Variants in GRIK2 observed in about 807,000 individuals in gnomAD.
GRIK2 encodes glutamate ionotropic receptor kainate type subunit 2.
Under a neutral mutation model 100.3 loss-of-function variants are expected in GRIK2, and 32 were observed. The observed-to-expected ratio is 0.32, with a 90% confidence interval of 0.24 to 0.43. GRIK2 has a LOEUF of 0.43. Among genes scored for constraint, GRIK2 ranks in the 20% least tolerant of loss-of-function variants. GRIK2 has a pLI of 1.00. For synonymous variants in GRIK2, 417 were observed against 389.4 expected (o/e 1.07, Z -0.83); for missense variants, 843 against 1,114.9 (o/e 0.76, Z 3.47).
intron 2 of GRIK2, chr6:101,431,040 G>A: frequency 4.0e-6 from 1 of 252,340 alleles, no homozygotes; most frequent in Non-Finnish European, 8.5e-6. Context: ...TACAGGGACA[G>A]CATGGCCCTG....
intron 16 of GRIK2, among the ~76,000 whole-genome samples, chr6:102,060,878 T>C (rs1046217224): frequency 1.3e-5 from 2 of 150,610 alleles, no homozygotes; most frequent in African/African-American, 4.8e-5. Context: ...ACTAAAGTTG[T>C]GTTGATTCTT....
intron 2 of GRIK2, among the ~76,000 whole-genome samples, chr6:101,604,068 G>A (rs965519534): frequency 1.4e-4 from 21 of 151,456 alleles, no homozygotes; most frequent in Non-Finnish European, 3.0e-4. Context: ...TAACTTTTCT[G>A]AAAATATATA....
At chr6:101,770,057 T>C in intron 7 of GRIK2, among the ~76,000 whole-genome samples, 1 of 152,226 alleles carries the variant, frequency 6.6e-6, no homozygotes, top group East Asian at 1.9e-4. Flanking sequence ...ACAAGAATGG[T>C]AACCTTCTCT....
chr6:101,964,107 T>C (rs1792504816), intron 14 of GRIK2, among the ~76,000 whole-genome samples: 5 of 151,454 alleles, frequency 3.3e-5, no homozygotes. Context: ...GAACAATTTC[T>C]GGAGACTTTA....
At chr6:101,608,805 GTGTGTGTGTATGTATGTA>G (rs138074502) in intron 2 of GRIK2, among the ~76,000 whole-genome samples, 1 of 116,094 alleles carries the variant, frequency 8.6e-6, no homozygotes, top group African/African-American at 3.6e-5. Flanking sequence ...GTGTGTGTGT[GTGTGTGTGTATGTATGTA>G]TGTGTGTGTG....
intron 14 of GRIK2, among the ~76,000 whole-genome samples, chr6:102,006,604 G>A (rs1023443339): frequency 1.3e-5 from 2 of 151,752 alleles, no homozygotes; most frequent in African/African-American, 4.8e-5. Flanking sequence ...CTGGGCTCAA[G>A]TGATTCTCCT....
At chr6:101,982,255 A>G (rs1473717152) in intron 14 of GRIK2, among the ~76,000 whole-genome samples, 1 of 151,924 alleles carries the variant, frequency 6.6e-6, no homozygotes, top group Non-Finnish European at 1.5e-5. Flanking sequence ...CAAATACTGT[A>G]ATTTTCATGT....
At chr6:101,903,730 T>C (rs1788030869) in intron 12 of GRIK2, among the ~76,000 whole-genome samples, 1 of 151,526 alleles carries the variant, frequency 6.6e-6, no homozygotes, top group South Asian at 2.1e-4. Flanking sequence ...ATGTGGGATA[T>C]TCAAATACAT....
chr6:101,828,493 C>T (rs923094077), intron 10 of GRIK2, among the ~76,000 whole-genome samples: 5 of 151,538 alleles, frequency 3.3e-5, no homozygotes, highest in East Asian at 1.9e-4. Context: ...GATGGGTCTT[C>T]GAAAGGATAA....
At chr6:101,611,484 A>G (rs1394440598) in intron 2 of GRIK2, among the ~76,000 whole-genome samples, 1 of 151,868 alleles carries the variant, frequency 6.6e-6, no homozygotes, top group Non-Finnish European at 1.5e-5. Flanking sequence ...CATTGGTTAC[A>G]TATTTGTATA....
chr6:102,037,772 C>G (rs1324813958), intron 15 of GRIK2, among the ~76,000 whole-genome samples: 2 of 151,282 alleles, frequency 1.3e-5, no homozygotes, highest in Non-Finnish European at 3.0e-5. Flanking sequence ...GATGGGAGTG[C>G]TCAAATCTTG....
chr6:101,654,380 G>A (rs551791757), intron 4 of GRIK2, among the ~76,000 whole-genome samples: 2 of 152,252 alleles, frequency 1.3e-5, no homozygotes, highest in East Asian at 3.9e-4. Context: ...TTTGACTGGA[G>A]TCCTATCCTT....
chr6:101,590,176 C>A (rs537277623), intron 2 of GRIK2, among the ~76,000 whole-genome samples: 7 of 152,150 alleles, frequency 4.6e-5, no homozygotes, highest in African/African-American at 1.4e-4. Flanking sequence ...AAAGTTAATT[C>A]TGTGATGGAC....
intron 2 of GRIK2, among the ~76,000 whole-genome samples, chr6:101,478,458 GTTACA>G (rs940044498): frequency 2.7e-5 from 4 of 146,538 alleles, no homozygotes; most frequent in African/African-American, 1.0e-4. Context: ...CTTTTTATAA[GTTACA>G]TTATATACAA....
chr6:101,827,660 A>C (rs369471903), intron 10 of GRIK2, among the ~76,000 whole-genome samples: 1 of 151,974 alleles, frequency 6.6e-6, no homozygotes, highest in East Asian at 1.9e-4. Flanking sequence ...AATAGACTTC[A>C]AAGCAACAAT....
intron 2 of GRIK2, among the ~76,000 whole-genome samples, chr6:101,427,531 C>A (rs559947484): frequency 1.3e-5 from 2 of 152,130 alleles, no homozygotes; most frequent in African/African-American, 4.8e-5. Flanking sequence ...TAAAGTGCAG[C>A]CAGTCAATAT....
chr6:101,603,631 T>C (rs1779320005), intron 2 of GRIK2, among the ~76,000 whole-genome samples: 1 of 151,818 alleles, frequency 6.6e-6, no homozygotes, highest in African/African-American at 2.4e-5. Context: ...TGAAAATAAC[T>C]CATGAATGAA....
intron 15 of GRIK2, 84 bp downstream of exon 15, chr6:102,035,650 C>T (rs948926301): frequency 1.4e-6 from 1 of 727,790 alleles, no homozygotes; most frequent in Non-Finnish European, 2.4e-6. Context: ...TCCACGTATG[C>T]CATTAGGAAT....
At chr6:101,435,832 AT>A (rs1375210517) in intron 2 of GRIK2, among the ~76,000 whole-genome samples, 1 of 151,744 alleles carries the variant, frequency 6.6e-6, no homozygotes, top group East Asian at 1.9e-4. Flanking sequence ...AAGTTTAATC[AT>A]TTTTTCAGGA....
Sources: allele counts gnomAD v4.1 joint callset (sites outside exome capture counted in the v4.1 genomes callset), GRCh38; gene constraint gnomAD v4.1.1; transcripts MANE v1.5; gene names NCBI Gene and HGNC (gene_info 2026-07-23, HGNC 2026-07-21).